RBBP4: variants seen among roughly 807,000 people sequenced by gnomAD.
RBBP4 encodes RB binding protein 4, chromatin remodeling factor.
Under a neutral mutation model 57.2 loss-of-function variants are expected in RBBP4, and 3 were observed. That is an observed-to-expected ratio of 0.05 (90% CI 0.02 to 0.14). The LOEUF is 0.14. RBBP4 is among the 10% of genes least tolerant of loss of function. The pLI, the probability that RBBP4 is intolerant of heterozygous loss-of-function variation, is 1.00. For missense variants in RBBP4, 107 were observed against 520.6 expected (o/e 0.21, Z 7.73); for synonymous variants, 151 against 171.5 (o/e 0.88, Z 0.93).
chr1:32,656,709 G>A (rs1244355067), intron 2 of RBBP4, among the ~76,000 whole-genome samples: 1 of 151,970 alleles, frequency 6.6e-6, no homozygotes, highest in Non-Finnish European at 1.5e-5. Flanking sequence ...TACTTCCATC[G>A]CGTTTGGAGC....
At position 32,681,746 on chromosome 1, in the gene RBBP4, C is replaced by G; in HGVS notation, c.*2041C>G. ...ACAGGATGAATTGCTTGCCAAGTTT[C>G]TGGCACTCTTGTCTGGTTGGAAGAG... On this transcript the variant is annotated 3_prime_UTR_variant, in exon 12 of 12. Coordinates refer to ENST00000373493, the MANE Select transcript of RBBP4 (RefSeq NM_005610.3). 5 of 1,586,544 alleles carry G rather than the reference C, an allele frequency of 3.2e-6. No individual in the cohort carries two copies. The highest frequency in any genetic ancestry group is 4.3e-6 in the Non-Finnish European group (5 of 1,157,116).
intron 3 of RBBP4, among the ~76,000 whole-genome samples, chr1:32,660,692 A>G (rs768496673): frequency 3.9e-5 from 6 of 152,004 alleles, no homozygotes; most frequent in Non-Finnish European, 8.8e-5. Context: ...ATGATTTCAT[A>G]AAGTATGTGT....
At chr1:32,675,426 T>C (rs1304922238) in intron 11 of RBBP4, among the ~76,000 whole-genome samples, 15 of 152,112 alleles carry the variant, frequency 9.9e-5, no homozygotes, top group Admixed American at 9.8e-4. Flanking sequence ...TTTTTTTCTT[T>C]TACCTCCAAA....
intron 3 of RBBP4, among the ~76,000 whole-genome samples, chr1:32,666,590 C>T (rs1648658375): frequency 6.6e-6 from 1 of 152,120 alleles, no homozygotes; most frequent in African/African-American, 2.4e-5. Flanking sequence ...CTCCTGACCT[C>T]AGGTGATCTG....
Position 32,681,362 on chromosome 1 carries a change from G to A in RBBP4, c.*1657G>A, listed in dbSNP as rs563237583. On this transcript the variant is annotated 3_prime_UTR_variant, in exon 12 of 12. Transcript: ENST00000373493. ...TGAACAAAAAGTAGACTTTGTAAAAGTATTCATTTAAATTCTAACACTCGT... is the reference window on the plus strand; with the variant it reads ...TGAACAAAAAGTAGACTTTGTAAAAATATTCATTTAAATTCTAACACTCGT... 4 of 157,736 alleles carry A rather than the reference G, an allele frequency of 2.5e-5. No homozygotes were observed. In the South Asian group the frequency reaches 7.8e-4, roughly 31 times the overall value. The allele number at this position is 157,736 out of a possible 1,614,324, so 9.8% of individuals were successfully genotyped here.
chr1:32,651,336 G>C lies in RBBP4; in HGVS notation c.16+14G>C. 6.9e-7 allele frequency: 1 copy of C among 1,453,976 alleles called. No individual in the cohort carries two copies. Among genetic ancestry groups the C allele is most frequent in the Non-Finnish European group, 9.1e-7 (1 of 1,103,650 alleles). The allele number at this position is 1,453,976 out of a possible 1,614,324, so 90.1% of individuals were successfully genotyped here. A position where few individuals can be genotyped will look rare whatever the true frequency, so the allele number is the denominator to read the frequency against. ...CCGACAAGGAAGGTGAGGGTGCCGG[G>C]GCCGACCCAGGAGGGCAGTGGGTGC... On this transcript the variant is annotated intron_variant, in intron 1 of 11. Transcript: ENST00000373493.
intron 2 of RBBP4, chr1:32,652,298 T>C (rs1647802645): frequency 2.2e-6 from 1 of 457,618 alleles, no homozygotes; most frequent in African/African-American, 2.0e-5. Context: ...CTGTAGCTGA[T>C]GATAATACCT....
intron 3 of RBBP4, among the ~76,000 whole-genome samples, chr1:32,664,599 C>T (rs1325275571): frequency 6.6e-6 from 1 of 152,088 alleles, no homozygotes; most frequent in Non-Finnish European, 1.5e-5. Flanking sequence ...ACTACAGGCA[C>T]GTGCCACCAT....
intron 3 of RBBP4, among the ~76,000 whole-genome samples, chr1:32,659,867 G>T (rs1004882844): frequency 2.0e-5 from 3 of 151,982 alleles, no homozygotes; most frequent in East Asian, 1.9e-4. Flanking sequence ...CTAATTTTTT[G>T]ACTTCAAAAG....
At chr1:32,660,698 T>C (rs1648366706) in intron 3 of RBBP4, among the ~76,000 whole-genome samples, 1 of 152,108 alleles carries the variant, frequency 6.6e-6, no homozygotes, top group Non-Finnish European at 1.5e-5. Context: ...TCATAAAGTA[T>C]GTGTTCATCT....
chr1:32,660,630 A>G (rs1173654271), intron 3 of RBBP4, among the ~76,000 whole-genome samples: 1 of 149,380 alleles, frequency 6.7e-6, no homozygotes, highest in African/African-American at 2.5e-5. Flanking sequence ...TATGTTGCTC[A>G]GGCTGATCTG....
chr1:32,684,577 A>C lies in RBBP4; in HGVS notation c.*4872A>C. On this transcript the variant is annotated 3_prime_UTR_variant, in exon 12 of 12. Coordinates refer to ENST00000373493, the MANE Select transcript of RBBP4 (RefSeq NM_005610.3). ...AAAAAAAGTGACAATGCTTTTGAAA[A>C]TGATGACGAAAAAGGCATCTTGTCT... 1.3e-6 allele frequency: 1 copy of C among 755,644 alleles called. No homozygotes were observed. Among genetic ancestry groups the C allele is most frequent in the South Asian group, 1.9e-5 (1 of 51,660 alleles). 46.8% of individuals were successfully genotyped at this position (755,644 alleles called of 1,614,324 possible). A position where few individuals can be genotyped will look rare whatever the true frequency, so the allele number is the denominator to read the frequency against.
At chr1:32,667,114 T>G (rs548965035) in intron 3 of RBBP4, among the ~76,000 whole-genome samples, 1 of 152,208 alleles carries the variant, frequency 6.6e-6, no homozygotes, top group Non-Finnish European at 1.5e-5. Flanking sequence ...CCAACCAGCT[T>G]CTTGTGGGAG....
At chr1:32,656,021 T>G (rs763725270) in intron 2 of RBBP4, among the ~76,000 whole-genome samples, 1 of 152,332 alleles carries the variant, frequency 6.6e-6, no homozygotes, top group East Asian at 1.9e-4. Flanking sequence ...TGACCCAGTA[T>G]GGAGTACAGA....
chr1:32,671,077 G>A (rs647612), intron 8 of RBBP4, among the ~76,000 whole-genome samples: 148,171 of 152,256 alleles, frequency 0.97, 72,228 homozygotes, highest in East Asian at 1. Context: ...ATATTTGGTA[G>A]CAAACTCTGA....
intron 3 of RBBP4, among the ~76,000 whole-genome samples, chr1:32,664,432 G>T (rs927332689): frequency 6.6e-6 from 1 of 151,878 alleles, no homozygotes; most frequent in Non-Finnish European, 1.5e-5. Context: ...CTCTTTTCTG[G>T]CAGCTATGCT....
At position 32,682,816 on chromosome 1, in the gene RBBP4, A is replaced by C. The variant is rs1195535996; in HGVS notation, c.*3111A>C. Reference sequence around the variant, plus strand: ...TTTGATGTAAGCTTAGGAAATGAATAAAATTTATAGGCATCTGTATAATGT... The same window carrying C: ...TTTGATGTAAGCTTAGGAAATGAATCAAATTTATAGGCATCTGTATAATGT... On this transcript the variant is annotated 3_prime_UTR_variant, in exon 12 of 12. Transcript: ENST00000373493. The C allele has an allele frequency of 6.6e-6, 1 of 152,160 alleles. No individual in the cohort carries two copies. Among genetic ancestry groups the C allele is most frequent in the African/African-American group, 2.4e-5 (1 of 41,428 alleles). The allele number at this position is 152,160 out of a possible 1,614,324, so 9.4% of individuals were successfully genotyped here. A position where few individuals can be genotyped will look rare whatever the true frequency, so the allele number is the denominator to read the frequency against.
intron 9 of RBBP4, 46 bp from the exon 10 acceptor site, chr1:32,672,596 T>G (rs1373917380): frequency 6.2e-7 from 1 of 1,602,608 alleles, no homozygotes; most frequent in South Asian, 1.1e-5. Flanking sequence ...AGGTAGTTAC[T>G]AAGGGTAAAT....
chr1:32,663,926 T>G (rs1570850311), intron 3 of RBBP4, among the ~76,000 whole-genome samples: 1 of 9,100 alleles, frequency 1.1e-4, no homozygotes, highest in South Asian at 0.026. Context: ...AACCTGTCAA[T>G]TTTTTTTTTT....
Sources: gnomAD v4.1 joint callset for allele counts (sites outside exome capture counted in the v4.1 genomes callset) on GRCh38, gnomAD v4.1.1 for gene constraint, MANE v1.5 for transcripts, NCBI Gene and HGNC (gene_info 2026-07-23, HGNC 2026-07-21) for gene names.